Variants in UBAP2 observed in about 807,000 individuals in gnomAD.
UBAP2 encodes ubiquitin associated protein 2, also known as ubiquitin-associated protein 2.
Under a neutral mutation model 139.6 loss-of-function variants are expected in UBAP2, and 75 were observed. The ratio of observed to expected loss-of-function variants is 0.54; its 90% confidence interval spans 0.45 to 0.65. UBAP2 has a LOEUF of 0.65. UBAP2 is among the 30% of genes least tolerant of loss of function. The pLI is 0.00. For synonymous variants in UBAP2, 526 were observed against 526.2 expected, an observed-to-expected ratio of 1.00 and a Z score of 0.01; for missense variants, 1,368 against 1,369.6, an observed-to-expected ratio of 1.00 and a Z score of 0.02.
At chr9:34,027,574 T>C (rs959402669) in intron 1 of UBAP2, among the ~76,000 whole-genome samples, 11 of 142,070 alleles carry the variant, frequency 7.7e-5, no homozygotes, top group Non-Finnish European at 1.5e-4. Context: ...AAGAAAAAAA[T>C]AGGCCAGGCA....
In UBAP2 at chr9:33,938,413, A is replaced by G. The variant is rs538176640; in HGVS notation, c.1930-2535T>C. On this transcript the variant is annotated intron_variant, in intron 16 of 28. Coordinates refer to ENST00000379238, the MANE Select transcript of UBAP2 (RefSeq NM_001370062.2). The stretch of plus-strand genomic sequence containing the variant: ...CTCAAAGTGCTGGGGTTCCAGACAT[A>G]AGCCACCATGCCCAGCCCAACATGA... 4.6e-5 allele frequency among the ~76,000 whole-genome samples: 7 copies of G among 152,174 alleles called. No homozygotes were observed. In the South Asian group the frequency reaches 1.5e-3, roughly 32 times the overall value.
At chr9:34,029,355 T>C (rs1054517263) in intron 1 of UBAP2, among the ~76,000 whole-genome samples, 16 of 150,830 alleles carry the variant, frequency 1.1e-4, no homozygotes, top group South Asian at 4.2e-4. Flanking sequence ...TGGTGAAACC[T>C]TGTCTCTACT....
chr9:34,045,522 C>T (rs553937256), intron 1 of UBAP2, among the ~76,000 whole-genome samples: 7 of 151,938 alleles, frequency 4.6e-5, no homozygotes, highest in Middle Eastern at 6.8e-3. Flanking sequence ...TACAGGCACG[C>T]GCCACCACAC....
chr9:33,978,353 A>T (rs187608002), intron 6 of UBAP2, among the ~76,000 whole-genome samples: 63 of 152,260 alleles, frequency 4.1e-4, no homozygotes, highest in Middle Eastern at 3.4e-3. Flanking sequence ...TGGGCAACAG[A>T]GCAAGAGCCC....
At chr9:33,998,311 T>C (rs1587635012) in intron 3 of UBAP2, 1 of 153,322 alleles carries the variant, frequency 6.5e-6, no homozygotes, top group Admixed American at 6.5e-5. Flanking sequence ...GGCAGCAGGA[T>C]AGCGTGAGCC....
intron 10 of UBAP2, among the ~76,000 whole-genome samples, chr9:33,958,726 A>C (rs1826777172): frequency 1.4e-5 from 1 of 73,510 alleles, no homozygotes; most frequent in African/African-American, 6.3e-5. Flanking sequence ...TTTTTTTTTA[A>C]AGGAAGGGCC....
chr9:33,944,269 C>T, intron 14 of UBAP2, 96 bp downstream of exon 14: 2 of 1,496,066 alleles, frequency 1.3e-6, no homozygotes. Context: ...GCTTGAAAAA[C>T]ACTGTACCCC....
intron 16 of UBAP2, among the ~76,000 whole-genome samples, chr9:33,940,445 G>C (rs1482238583): frequency 6.6e-6 from 1 of 152,176 alleles, no homozygotes; most frequent in Non-Finnish European, 1.5e-5. Context: ...GAAATCCTAA[G>C]CTATCATGTC....
At chr9:34,014,789 A>AG (rs1351067341) in intron 2 of UBAP2, among the ~76,000 whole-genome samples, 9 of 151,576 alleles carry the variant, frequency 5.9e-5, no homozygotes, top group Non-Finnish European at 1.2e-4. Context: ...AAAAAAAAAA[A>AG]AGACCATTCA....
intron 1 of UBAP2, among the ~76,000 whole-genome samples, chr9:34,048,570 C>T (rs555137008): frequency 6.6e-6 from 1 of 152,084 alleles, no homozygotes; most frequent in Admixed American, 6.6e-5. Flanking sequence ...CTGGGTGGGG[C>T]CCAGCCGACC....
chr9:33,992,845 G>C (rs532785294), intron 4 of UBAP2, among the ~76,000 whole-genome samples: 2 of 152,230 alleles, frequency 1.3e-5, no homozygotes, highest in South Asian at 4.2e-4. Flanking sequence ...TCTGTTATCG[G>C]TATTTTGCTA....
chr9:34,002,812 C>T (rs1822834434), intron 2 of UBAP2, among the ~76,000 whole-genome samples: 5 of 151,898 alleles, frequency 3.3e-5, no homozygotes, highest in South Asian at 2.1e-4. Context: ...CATAATTTCC[C>T]CCAATAGCTG....
intron 1 of UBAP2, among the ~76,000 whole-genome samples, chr9:34,027,249 G>C (rs1186005197): frequency 6.6e-6 from 1 of 152,024 alleles, no homozygotes; most frequent in Non-Finnish European, 1.5e-5. Flanking sequence ...GGGAGGCTGA[G>C]GCGGGAGGAT....
rs1327513724 is a variant in UBAP2 at position 33,956,811 on chromosome 9, A to G, written c.799-665T>C. ...TAAACCCACCAACAATGCTAACAGA[A>G]ATGCCAAAAAGAAGTTGAGAAGGTG... On this transcript the variant is annotated intron_variant, in intron 10 of 28. Transcript: ENST00000379238. Among the ~76,000 whole-genome samples, 7 of 152,292 alleles carry G rather than the reference A, an allele frequency of 4.6e-5. No individual in the cohort carries two copies. In the East Asian group the frequency reaches 1.3e-3, roughly 29 times the overall value.
chr9:33,998,817 ATTC>A lies in UBAP2; in HGVS notation c.144_146del (p.Lys48del). On this transcript the variant is annotated inframe_deletion, in exon 3 of 29. Coordinates refer to ENST00000379238, the MANE Select transcript of UBAP2 (RefSeq NM_001370062.2). ...TAACTTTAGCTTCAAAATCTGAATC[ATTC>A]TTATCAAAGATCACTTGAGCGAGAC... The A allele has an allele frequency of 6.2e-7, 1 of 1,612,566 alleles. No homozygotes were observed. The highest frequency in any genetic ancestry group is 8.5e-7 in the Non-Finnish European group (1 of 1,179,866).
chr9:33,931,787 C>T (rs907885728), intron 19 of UBAP2, among the ~76,000 whole-genome samples: 3 of 152,126 alleles, frequency 2.0e-5, no homozygotes, highest in African/African-American at 7.2e-5. Flanking sequence ...TTCCTGCCTC[C>T]TCCATTCGTC....
intron 1 of UBAP2, among the ~76,000 whole-genome samples, chr9:34,045,207 G>A (rs995184954): frequency 6.6e-5 from 10 of 151,692 alleles, no homozygotes; most frequent in Non-Finnish European, 1.2e-4. Context: ...TTAGCCGGGC[G>A]TGGCGGCAGG....
chr9:33,980,758 C>T (rs1437706677), intron 6 of UBAP2, among the ~76,000 whole-genome samples: 4 of 151,586 alleles, frequency 2.6e-5, no homozygotes, highest in Non-Finnish European at 5.9e-5. Flanking sequence ...GAGTTTGAGA[C>T]CAGCCTGGGC....
chr9:33,947,178 A>G (rs1369888432), intron 13 of UBAP2, among the ~76,000 whole-genome samples: 2 of 152,212 alleles, frequency 1.3e-5, no homozygotes, highest in Non-Finnish European at 2.9e-5. Context: ...CCCTTGGTAG[A>G]CATCGCTTCA....
Sources: allele counts gnomAD v4.1 joint callset (sites outside exome capture counted in the v4.1 genomes callset), GRCh38; gene constraint gnomAD v4.1.1; transcripts MANE v1.5; gene names NCBI Gene and HGNC (gene_info 2026-07-23, HGNC 2026-07-21).